MYO9A: variants seen among roughly 807,000 people sequenced by gnomAD.
MYO9A encodes the protein myosin IXA.
A neutral mutation model predicts 293.3 loss-of-function variants in MYO9A; 103 were observed. The ratio of observed to expected loss-of-function variants is 0.35; its 90% CI spans 0.30 to 0.41. The LOEUF is 0.41. Among genes scored for constraint, MYO9A ranks in the 10% least tolerant of loss-of-function variants. The pLI, the probability that MYO9A is intolerant of heterozygous loss-of-function variation, is 1.00. For synonymous variants in MYO9A, 1,001 were observed against 1,035.7 expected, an observed-to-expected ratio of 0.97 and a Z score of 0.64; for missense variants, 2,685 against 3,033.0, an observed-to-expected ratio of 0.89 and a Z score of 2.69.
intron 14 of MYO9A, among the ~76,000 whole-genome samples, chr15:71,955,852 C>G (rs2146765358): frequency 6.6e-6 from 1 of 152,206 alleles, no homozygotes; most frequent in East Asian, 1.9e-4. Flanking sequence ...AGCTCTATAC[C>G]TGACCCTCTA....
At chr15:71,906,496 A>G (rs2057644797) in intron 19 of MYO9A, among the ~76,000 whole-genome samples, 2 of 152,100 alleles carry the variant, frequency 1.3e-5, no homozygotes, top group Non-Finnish European at 2.9e-5. Flanking sequence ...CTGTTATTAG[A>G]TGAATATACA....
intron 12 of MYO9A, among the ~76,000 whole-genome samples, chr15:71,971,258 T>A (rs189715990): frequency 2.6e-4 from 40 of 152,098 alleles, no homozygotes; most frequent in African/African-American, 9.4e-4. Flanking sequence ...CTTTGTATAA[T>A]AAGATGTGCA....
intron 15 of MYO9A, among the ~76,000 whole-genome samples, chr15:71,945,427 G>A (rs1169690135): frequency 6.6e-6 from 1 of 152,032 alleles, no homozygotes; most frequent in East Asian, 1.9e-4. Context: ...CATCATTTTT[G>A]CCATGTGCTT....
At position 71,910,168 on chromosome 15, in the gene MYO9A, G is replaced by GTGTGTATATATATATATATA. The variant is rs56277057; in HGVS notation, c.2686-5163_2686-5162insTATATATATATATATACACA. Among the ~76,000 whole-genome samples the GTGTGTATATATATATATATA allele has an allele frequency of 8.6e-4, 110 of 128,308 alleles. 1 individual carries two copies. The South Asian group carries it at 0.014, about 16-fold the overall frequency. 84.2% of individuals were successfully genotyped at this position (128,308 alleles called of 152,430 possible). ...CGTGTGTGTGTATATATATATACGT[G>GTGTGTATATATATATATATA]TATATATATATATAAAATCAGAAAC... On this transcript the variant is annotated intron_variant, in intron 19 of 41. Coordinates refer to ENST00000356056, the MANE Select transcript of MYO9A (RefSeq NM_006901.4).
At chr15:72,027,328 C>T (rs1424530971) in intron 4 of MYO9A, among the ~76,000 whole-genome samples, 1 of 152,148 alleles carries the variant, frequency 6.6e-6, no homozygotes. Flanking sequence ...CTTATTTCTC[C>T]ATCTGAAGGA....
intron 40 of MYO9A, among the ~76,000 whole-genome samples, chr15:71,828,413 CAA>C (rs2054595773): frequency 6.6e-6 from 1 of 152,178 alleles, no homozygotes; most frequent in African/African-American, 2.4e-5. Context: ...TACCACAAAA[CAA>C]AGAGATTAAA....
chr15:71,829,380 C>G (rs55769532), intron 40 of MYO9A, among the ~76,000 whole-genome samples: 131 of 152,252 alleles, frequency 8.6e-4, no homozygotes, highest in African/African-American at 3.0e-3. Flanking sequence ...CCCATTAAGA[C>G]TTCCTAAGAG....
chr15:71,947,283 G>GGA lies in MYO9A; in HGVS notation c.2302+4493_2302+4494insTC, dbSNP rs1555488706. Reference sequence around the variant, plus strand: ...TGTGACAAGCCAGACTCCATCTCAGGAAAAAAAAAAAAAAAAAGTTTTATT... The same window carrying GGA: ...TGTGACAAGCCAGACTCCATCTCAGGGAAAAAAAAAAAAAAAAAAGTTTTATT... On this transcript the variant is annotated intron_variant, in intron 15 of 41. Coordinates refer to ENST00000356056, the MANE Select transcript of MYO9A (RefSeq NM_006901.4). Among the ~76,000 whole-genome samples, 9 of 127,890 alleles carry GGA rather than the reference G, an allele frequency of 7.0e-5. No homozygotes were observed. In the Admixed American group the frequency reaches 7.3e-4, roughly 10 times the overall value. 83.9% of individuals were successfully genotyped at this position (127,890 alleles called of 152,430 possible).
At chr15:72,020,868 T>C in intron 5 of MYO9A, 50 bp downstream of exon 5, 3 of 1,153,510 alleles carry the variant, frequency 2.6e-6, no homozygotes, top group Non-Finnish European at 3.5e-6. Flanking sequence ...TTTTCAAGCA[T>C]TAAATTTAAT....
intron 15 of MYO9A, among the ~76,000 whole-genome samples, chr15:71,944,158 G>C (rs558981004): frequency 6.6e-6 from 1 of 152,004 alleles, no homozygotes; most frequent in Non-Finnish European, 1.5e-5. Context: ...TTGTGGAAGT[G>C]TATGTTCAAA....
At chr15:72,111,543 A>C (rs1050847953) in intron 1 of MYO9A, among the ~76,000 whole-genome samples, 1 of 152,088 alleles carries the variant, frequency 6.6e-6, no homozygotes, top group African/African-American at 2.4e-5. Context: ...AAGAGGGAAA[A>C]GGAAGACTTA....
intron 7 of MYO9A, 23 bp downstream of exon 7, chr15:72,010,326 TA>T: frequency 6.3e-7 from 1 of 1,595,646 alleles, no homozygotes; most frequent in Non-Finnish European, 8.6e-7. Flanking sequence ...ATTAGAGATA[TA>T]AAAATACAAC....
intron 1 of MYO9A, among the ~76,000 whole-genome samples, chr15:72,060,163 G>GTATT (rs529291320): frequency 6.6e-6 from 1 of 151,936 alleles, no homozygotes. Flanking sequence ...CTCTACTTCT[G>GTATT]TATTTATTTA....
intron 6 of MYO9A, 71 bp from the exon 7 acceptor site, chr15:72,010,518 A>C (rs2077141753): frequency 3.0e-6 from 4 of 1,355,714 alleles, no homozygotes; most frequent in Non-Finnish European, 4.1e-6. Context: ...ATTCAGAAAT[A>C]TGGTAATTTA....
chr15:71,907,859 A>G (rs2057714930), intron 19 of MYO9A, among the ~76,000 whole-genome samples: 1 of 151,988 alleles, frequency 6.6e-6, no homozygotes, highest in Non-Finnish European at 1.5e-5. Context: ...TTGTCAGATG[A>G]GTAGATTGCA....
In MYO9A at chr15:72,031,555, CTCTG is replaced by C. The variant is rs1010144184; in HGVS notation, c.935+935_935+938del. 1.1e-4 allele frequency among the ~76,000 whole-genome samples: 17 copies of C among 152,184 alleles called. No individual in the cohort carries two copies. The East Asian group carries it at 1.3e-3, about 12-fold the overall frequency. On this transcript the variant is annotated intron_variant, in intron 3 of 41. Transcript: ENST00000356056. ...GTAATAAAATGTATGTGCATGTGGT[CTCTG>C]TCTGAAAACATCTTACTGTACTATA...
intron 1 of MYO9A, among the ~76,000 whole-genome samples, chr15:72,102,993 G>A (rs2080411389): frequency 6.6e-6 from 1 of 150,818 alleles, no homozygotes; most frequent in Admixed American, 6.6e-5. Flanking sequence ...TTGTTTCTTT[G>A]TTTTTTGAGA....
chr15:71,885,021 G>T (rs1394011611), intron 27 of MYO9A, among the ~76,000 whole-genome samples: 1 of 143,464 alleles, frequency 7.0e-6, no homozygotes, highest in African/African-American at 2.6e-5. Context: ...ACATTAAAAA[G>T]AGAAATTGTT....
chr15:71,893,760 T>G lies in MYO9A; in HGVS notation c.5061A>C (p.Leu1687Phe). 1 of 1,613,690 alleles carries G rather than the reference T, an allele frequency of 6.2e-7. No individual in the cohort carries two copies. Among genetic ancestry groups the G allele is most frequent in the Non-Finnish European group, 8.5e-7 (1 of 1,179,694 alleles). The change falls in exon 26 of 42, where the codon TTA becomes TTC. Residue 1687 changes from leucine (L) to phenylalanine (F), a missense_variant. This residue lies in a region of MYO9A where 1,434 missense variants were observed against 1,497.7 expected (regional missense o/e 0.96). Transcript: ENST00000356056. ...TATGGAGTTGAGGATTTTTACTGTT[T>G]AAGGCTTCTTTGCTGACACTTTAAA... The part of the protein sequence containing the change: ...MSIPLVSKEA[L>F]NSKNPQLHKE...
Sources: gnomAD v4.1 joint callset for allele counts (sites outside exome capture counted in the v4.1 genomes callset) on GRCh38, gnomAD v4.1.1 for gene constraint, gnomAD v4.1.1 regional missense constraint, MANE v1.5 for transcripts, NCBI Gene and HGNC (gene_info 2026-07-23, HGNC 2026-07-21) for gene names.